HCN1: variants seen among roughly 807,000 people sequenced by gnomAD.
The protein encoded by HCN1 is hyperpolarization activated cyclic nucleotide gated potassium channel 1.
In HCN1, 13 loss-of-function variants were observed where a neutral mutation model predicts 78.9. The ratio of observed to expected loss-of-function variants is 0.16; its 90% CI spans 0.11 to 0.26. The LOEUF (loss-of-function observed/expected upper bound fraction) is 0.26. Ranked by LOEUF, HCN1 falls within the 10% of genes least tolerant of loss-of-function variation. The probability of loss-of-function intolerance (pLI) is 1.00; values close to 1 mark genes in which losing one functional copy is unlikely to be tolerated. For missense variants in HCN1, 810 were observed against 1,154.3 expected (o/e 0.70, Z 4.32); for synonymous variants, 552 against 455.5 (o/e 1.21, Z -2.70).
At chr5:45,565,366 C>T (rs968159415) in intron 2 of HCN1, among the ~76,000 whole-genome samples, 26 of 152,292 alleles carry the variant, frequency 1.7e-4, no homozygotes, top group Admixed American at 1.3e-3. Flanking sequence ...AATCCTCCAA[C>T]ACACACTAAT....
intron 3 of HCN1, among the ~76,000 whole-genome samples, chr5:45,424,684 ATTTTTGCTGTT>A (rs200471869): frequency 1.3e-5 from 2 of 152,148 alleles, no homozygotes; most frequent in Non-Finnish European, 2.9e-5. Context: ...TATTATATAT[ATTTTTGCTGTT>A]TATTACTGAC....
At chr5:45,414,890 C>A (rs1036760135) in intron 3 of HCN1, among the ~76,000 whole-genome samples, 1 of 151,958 alleles carries the variant, frequency 6.6e-6, no homozygotes, top group Admixed American at 6.6e-5. Context: ...GACTTGGCAT[C>A]CTTAATAACT....
At chr5:45,660,496 AAC>A (rs1236949841) in intron 1 of HCN1, among the ~76,000 whole-genome samples, 11 of 150,724 alleles carry the variant, frequency 7.3e-5, no homozygotes, top group Admixed American at 5.3e-4. Context: ...GCAATTAAAA[AAC>A]ACAGACTGGC....
At chr5:45,365,803 A>G (rs1012210169) in intron 4 of HCN1, among the ~76,000 whole-genome samples, 2 of 151,870 alleles carry the variant, frequency 1.3e-5, no homozygotes, top group African/African-American at 4.8e-5. Context: ...ACTTCTAATG[A>G]TACAGTAGAA....
At chr5:45,418,190 C>A (rs1250184585) in intron 3 of HCN1, among the ~76,000 whole-genome samples, 1 of 151,710 alleles carries the variant, frequency 6.6e-6, no homozygotes, top group Non-Finnish European at 1.5e-5. Context: ...CTTGTCTTGG[C>A]ATATTTAGAA....
rs563063155 is a variant in HCN1 at position 45,365,868 on chromosome 5, C to G, written c.1231-12622G>C. ...ATAAAATACCTACTTTTCTTTTCCT[C>G]AAAGGCAGGTAATATGCCTTAAGCA... On this transcript the variant is annotated intron_variant, in intron 4 of 7. Coordinates refer to ENST00000303230, the MANE Select transcript of HCN1 (RefSeq NM_021072.4). Among the ~76,000 whole-genome samples, 4 of 151,926 alleles carry G rather than the reference C, an allele frequency of 2.6e-5. No homozygotes were observed. In the South Asian group the frequency reaches 8.3e-4, roughly 32 times the overall value.
At chr5:45,274,773 G>T (rs561595456) in intron 6 of HCN1, among the ~76,000 whole-genome samples, 4 of 152,242 alleles carry the variant, frequency 2.6e-5, no homozygotes, top group East Asian at 1.9e-4. Flanking sequence ...GAGGAAGATG[G>T]TTTCACATCC....
chr5:45,543,588 A>G (rs1261545523), intron 2 of HCN1, among the ~76,000 whole-genome samples: 1 of 152,104 alleles, frequency 6.6e-6, no homozygotes, highest in Non-Finnish European at 1.5e-5. Flanking sequence ...CTTACTTCCA[A>G]TCCAGCTCTA....
At chr5:45,632,217 T>A (rs1561226492) in intron 2 of HCN1, among the ~76,000 whole-genome samples, 1 of 151,978 alleles carries the variant, frequency 6.6e-6, no homozygotes, top group Non-Finnish European at 1.5e-5. Context: ...CAAGGTACAA[T>A]GGAATTTATA....
intron 3 of HCN1, among the ~76,000 whole-genome samples, chr5:45,460,762 G>T (rs765168692): frequency 6.7e-6 from 1 of 148,580 alleles, no homozygotes; most frequent in Non-Finnish European, 1.5e-5. Flanking sequence ...AGGAAGAAAA[G>T]AAGACAATAC....
chr5:45,380,739 CTA>C (rs1316693427), intron 4 of HCN1, among the ~76,000 whole-genome samples: 1 of 151,990 alleles, frequency 6.6e-6, no homozygotes, highest in Non-Finnish European at 1.5e-5. Flanking sequence ...CCATTACACA[CTA>C]TAGAAAAAGT....
chr5:45,318,641 C>A (rs968401168), intron 5 of HCN1, among the ~76,000 whole-genome samples: 1 of 151,432 alleles, frequency 6.6e-6, no homozygotes, highest in Admixed American at 6.6e-5. Context: ...TACAGCAGTC[C>A]TTCCCATTAT....
chr5:45,285,093 C>A lies in HCN1; in HGVS notation c.1619-17840G>T, dbSNP rs140315320. 6.0e-4 allele frequency among the ~76,000 whole-genome samples: 91 copies of A among 152,074 alleles called. 1 individual carries two copies. The East Asian group carries it at 9.9e-3, about 16-fold the overall frequency. ...TTCCAGATCATCAGAAATGAGTTTC[C>A]TGAGGTGAAGGAGCAGAAGTAGCTC... On this transcript the variant is annotated intron_variant, in intron 6 of 7. Transcript: ENST00000303230.
At chr5:45,642,340 T>G (rs1745471848) in intron 2 of HCN1, 2 of 152,146 alleles carry the variant, frequency 1.3e-5, no homozygotes, top group South Asian at 4.1e-4. Flanking sequence ...GCTTTAGTAA[T>G]GATAATAACA....
At chr5:45,374,028 T>A (rs544633983) in intron 4 of HCN1, among the ~76,000 whole-genome samples, 1 of 96,142 alleles carries the variant, frequency 1.0e-5, no homozygotes, top group African/African-American at 4.3e-5. Flanking sequence ...ATTATATATA[T>A]TATATACATA....
At position 45,491,471 on chromosome 5, in the gene HCN1, G is replaced by A. The variant is rs143946103; in HGVS notation, c.850-29464C>T. Among the ~76,000 whole-genome samples, 16 of 152,010 alleles carry A rather than the reference G, an allele frequency of 1.1e-4. No individual in the cohort carries two copies. The East Asian group carries it at 1.7e-3, about 17-fold the overall frequency. On this transcript the variant is annotated intron_variant, in intron 2 of 7. Transcript: ENST00000303230. Reference sequence around the variant, plus strand: ...TAGGGGCCTTTAACTTACCTTGTGCGCTCAAGTATTCACACTGTCCAAACC... The same window carrying A: ...TAGGGGCCTTTAACTTACCTTGTGCACTCAAGTATTCACACTGTCCAAACC...
chr5:45,423,561 CT>C (rs1369379817), intron 3 of HCN1, among the ~76,000 whole-genome samples: 3 of 151,786 alleles, frequency 2.0e-5, no homozygotes, highest in African/African-American at 7.3e-5. Context: ...TCTTCTCTGT[CT>C]ACATATTTCA....
intron 3 of HCN1, among the ~76,000 whole-genome samples, chr5:45,456,459 A>C (rs1035236681): frequency 6.6e-6 from 1 of 152,052 alleles, no homozygotes; most frequent in Non-Finnish European, 1.5e-5. Flanking sequence ...AATTGTCTGC[A>C]CTGTAGAATA....
intron 2 of HCN1, among the ~76,000 whole-genome samples, chr5:45,611,543 A>T (rs1448017307): frequency 6.6e-6 from 1 of 151,910 alleles, no homozygotes; most frequent in African/African-American, 2.4e-5. Context: ...AAGTTCTGGG[A>T]TTACATGCAT....
Sources: gnomAD v4.1 joint callset for allele counts (sites outside exome capture counted in the v4.1 genomes callset) on GRCh38, gnomAD v4.1.1 for gene constraint, MANE v1.5 for transcripts, NCBI Gene and HGNC (gene_info 2026-07-23, HGNC 2026-07-21) for gene names.